Variants in RBFOX1 observed in about 807,000 individuals in gnomAD.
The protein encoded by RBFOX1 is RNA binding protein fox-1 homolog 1.
In RBFOX1, 8 loss-of-function variants were observed where a neutral mutation model predicts 57.7. That is an observed-to-expected ratio of 0.14 (90% CI 0.08 to 0.25). RBFOX1 has a LOEUF of 0.25. Ranked by LOEUF, RBFOX1 falls within the 10% of genes least tolerant of loss-of-function variation. The pLI, the probability that RBFOX1 is intolerant of heterozygous loss-of-function variation, is 1.00. For synonymous variants in RBFOX1, 326 were observed against 222.4 expected (o/e 1.47, Z -4.15); for missense variants, 611 against 548.5 (o/e 1.11, Z -1.14).
At chr16:5,363,554 C>T (rs2065614886) in intron 1 of RBFOX1, among the ~76,000 whole-genome samples, 2 of 152,200 alleles carry the variant, frequency 1.3e-5, no homozygotes, top group Admixed American at 6.5e-5. Context: ...CTTTCTTTCT[C>T]CCCCTGATTG....
At chr16:7,543,834 C>T (rs1472628603) in intron 5 of RBFOX1, among the ~76,000 whole-genome samples, 1 of 152,236 alleles carries the variant, frequency 6.6e-6, no homozygotes, top group East Asian at 1.9e-4. Flanking sequence ...GATTCTCCTG[C>T]CTCACTCTCC....
At chr16:7,632,018 T>G (rs1418234199) in intron 11 of RBFOX1, among the ~76,000 whole-genome samples, 4 of 152,122 alleles carry the variant, frequency 2.6e-5, no homozygotes, top group African/African-American at 9.7e-5. Context: ...CAAGCAATTC[T>G]CATGACTCAG....
chr16:6,126,467 C>T (rs1597552461), intron 1 of RBFOX1, among the ~76,000 whole-genome samples: 1 of 152,018 alleles, frequency 6.6e-6, no homozygotes, highest in Non-Finnish European at 1.5e-5. Context: ...TCCAGTGTCC[C>T]ATTTTAGAAG....
chr16:6,787,644 A>T (rs12920881), intron 3 of RBFOX1, among the ~76,000 whole-genome samples: 3 of 151,718 alleles, frequency 2.0e-5, no homozygotes, highest in African/African-American at 7.3e-5. Flanking sequence ...TTTTGAAGAC[A>T]CGTTATTACA....
At chr16:5,839,674 T>A (rs1177818501) in intron 3 of RBFOX1, among the ~76,000 whole-genome samples, 1 of 152,160 alleles carries the variant, frequency 6.6e-6, no homozygotes, top group Non-Finnish European at 1.5e-5. Context: ...ACTTAACAGT[T>A]TTGCTTCACC....
chr16:6,297,817 C>T (rs1463548132), intron 1 of RBFOX1, among the ~76,000 whole-genome samples: 1 of 152,132 alleles, frequency 6.6e-6, no homozygotes, highest in Non-Finnish European at 1.5e-5. Flanking sequence ...CAGCTGGGGA[C>T]AGTCAGAGAG....
chr16:6,727,165 A>G (rs546856680), intron 3 of RBFOX1, among the ~76,000 whole-genome samples: 5 of 151,878 alleles, frequency 3.3e-5, no homozygotes, highest in Admixed American at 1.3e-4. Flanking sequence ...AAAAGTCGCA[A>G]TTCCATAGAA....
At chr16:7,449,733 G>GT (rs1331608685) in intron 4 of RBFOX1, among the ~76,000 whole-genome samples, 1 of 141,392 alleles carries the variant, frequency 7.1e-6, no homozygotes, top group Admixed American at 7.1e-5. Flanking sequence ...TGTGTGTGGG[G>GT]GGGGGGGGTT....
At chr16:6,788,221 AAATAAT>A (rs1316773329) in intron 3 of RBFOX1, among the ~76,000 whole-genome samples, 5 of 151,914 alleles carry the variant, frequency 3.3e-5, no homozygotes, top group East Asian at 1.9e-4. Flanking sequence ...ACTCCATCTA[AAATAAT>A]AATAATAATA....
chr16:7,253,035 C>G (rs1167004438), intron 4 of RBFOX1, among the ~76,000 whole-genome samples: 3 of 152,160 alleles, frequency 2.0e-5, no homozygotes, highest in Non-Finnish European at 2.9e-5. Flanking sequence ...AATGAGTGTT[C>G]TGCATCTTTT....
At chr16:7,410,858 TGTGTGTGTG>T (rs1271399174) in intron 4 of RBFOX1, among the ~76,000 whole-genome samples, 3 of 145,086 alleles carry the variant, frequency 2.1e-5, no homozygotes, top group South Asian at 2.1e-4. Flanking sequence ...TGTGTGTGTG[TGTGTGTGTG>T]TAAATCACCC....
At chr16:5,520,320 G>A (rs1036317571) in intron 2 of RBFOX1, among the ~76,000 whole-genome samples, 1 of 152,202 alleles carries the variant, frequency 6.6e-6, no homozygotes, top group Non-Finnish European at 1.5e-5. Flanking sequence ...AGCTTGAAAT[G>A]GCTTGAAGTC....
intron 1 of RBFOX1, among the ~76,000 whole-genome samples, chr16:6,152,502 C>T (rs570739610): frequency 6.6e-6 from 1 of 152,184 alleles, no homozygotes; most frequent in Non-Finnish European, 1.5e-5. Flanking sequence ...CAGATCAGCT[C>T]AAGTTGGGGT....
At chr16:6,792,169 T>C (rs193091477) in intron 3 of RBFOX1, among the ~76,000 whole-genome samples, 22 of 152,330 alleles carry the variant, frequency 1.4e-4, no homozygotes, top group Admixed American at 1.4e-3. Context: ...TCTGTATATT[T>C]TTTCTTAGCA....
At chr16:7,105,791 T>TAGAG (rs77577398) in intron 4 of RBFOX1, among the ~76,000 whole-genome samples, 76,475 of 151,472 alleles carry the variant, frequency 0.5, 19,350 homozygotes, top group South Asian at 0.57. Flanking sequence ...TATATAGAGA[T>TAGAG]AGATAGATAG....
At chr16:6,116,651 C>T (rs1380141037) in intron 1 of RBFOX1, among the ~76,000 whole-genome samples, 1 of 152,104 alleles carries the variant, frequency 6.6e-6, no homozygotes, top group East Asian at 1.9e-4. Context: ...GCTAGAGTGC[C>T]CAGGGTTTCC....
Position 6,060,122 on chromosome 16 carries a change from G to GTTTTTTTTTTTTTTTTTTTT in RBFOX1, c.-127+40147_-127+40166dup, listed in dbSNP as rs199690584. ...ATTTGGCCCTAAAATTAGGATTAGG[G>GTTTTTTTTTTTTTTTTTTTT]TTTTTTTTTTTTTTTTTTTTTTTTT... On this transcript the variant is annotated intron_variant, in intron 1 of 15. Coordinates refer to ENST00000550418, the MANE Select transcript of RBFOX1 (RefSeq NM_018723.4). Among the ~76,000 whole-genome samples the GTTTTTTTTTTTTTTTTTTTT allele has an allele frequency of 7.8e-4, 89 of 114,180 alleles. 5 individuals carry two copies. Among genetic ancestry groups the GTTTTTTTTTTTTTTTTTTTT allele is most frequent in the African/African-American group, 9.4e-4 (26 of 27,748 alleles). 74.9% of individuals were successfully genotyped at this position (114,180 alleles called of 152,430 possible). A position where few individuals can be genotyped will look rare whatever the true frequency, so the allele number is the denominator to read the frequency against.
rs1481832328 is a variant in RBFOX1, at chr16:6,868,915, G to A, written c.-15-183142G>A. ...GTGGATGCTTGAAGTGACATTTTGTGAGTTACCACATTTTCTAGCCCTTGC... is the reference window on the plus strand; with the variant it reads ...GTGGATGCTTGAAGTGACATTTTGTAAGTTACCACATTTTCTAGCCCTTGC... On this transcript the variant is annotated intron_variant, in intron 3 of 15. Coordinates refer to ENST00000550418, the MANE Select transcript of RBFOX1 (RefSeq NM_018723.4). Among the ~76,000 whole-genome samples, 5 of 152,298 alleles carry A rather than the reference G, an allele frequency of 3.3e-5. No homozygotes were observed. The East Asian group carries it at 9.7e-4, about 29-fold the overall frequency.
chr16:5,426,179 G>T (rs2067552774), intron 1 of RBFOX1, among the ~76,000 whole-genome samples: 1 of 152,150 alleles, frequency 6.6e-6, no homozygotes, highest in Admixed American at 6.5e-5. Context: ...CTCTGAACCT[G>T]CCCGGTGCAA....
Sources: allele counts gnomAD v4.1 joint callset (sites outside exome capture counted in the v4.1 genomes callset), GRCh38; gene constraint gnomAD v4.1.1; transcripts MANE v1.5; gene names NCBI Gene and HGNC (gene_info 2026-07-23, HGNC 2026-07-21).